Variants in UMODL1 observed in about 807,000 individuals in gnomAD.
The protein encoded by UMODL1 is uromodulin like 1, also known as uromodulin-like 1.
UMODL1 carries 128 observed loss-of-function variants against 136.3 expected under a neutral mutation model. The ratio of observed to expected loss-of-function variants is 0.94; its 90% CI spans 0.81 to 1.09. The LOEUF (loss-of-function observed/expected upper bound fraction) is 1.09, where lower values mean the gene tolerates loss of function less well. UMODL1 is among the 50% of genes least tolerant of loss of function. The pLI, the probability that UMODL1 is intolerant of heterozygous loss-of-function variation, is 0.00. For synonymous variants in UMODL1, 721 were observed against 720.0 expected, an observed-to-expected ratio of 1.00 and a Z score of -0.02; for missense variants, 1,766 against 1,725.6, an observed-to-expected ratio of 1.02 and a Z score of -0.41.
At chr21:42,105,898 A>G (rs920327165) in intron 9 of UMODL1, among the ~76,000 whole-genome samples, 1 of 152,184 alleles carries the variant, frequency 6.6e-6, no homozygotes, top group African/African-American at 2.4e-5. Context: ...GACTGGATGA[A>G]TCCATTGTAA....
intron 21 of UMODL1, 142 bp from the exon 22 acceptor site, chr21:42,137,297 C>T: frequency 2.8e-6 from 3 of 1,060,022 alleles, no homozygotes; most frequent in Non-Finnish European, 2.8e-6. Flanking sequence ...GCTTTGGTAA[C>T]CCACAGGCAC....
In UMODL1 at chr21:42,138,176, G is replaced by T. The variant is rs796826254; in HGVS notation, c.*21+535G>T. On this transcript the variant is annotated intron_variant, in intron 22 of 22. Coordinates refer to ENST00000408910, the MANE Select transcript of UMODL1 (RefSeq NM_001004416.3). ...TGCCTCGGTTTCATCATTTGTAAAA[G>T]AAACCATGGTAACATTTCCGGCCAC... Among the ~76,000 whole-genome samples, 4 of 152,292 alleles carry T rather than the reference G, an allele frequency of 2.6e-5. 1 individual carries two copies. Among genetic ancestry groups the T allele is most frequent in the African/African-American group, 9.6e-5 (4 of 41,554 alleles).
rs745968951 is a variant in UMODL1 at position 42,111,132 on chromosome 21, C to G, written c.1899+11C>G. On this transcript the variant is annotated intron_variant, in intron 11 of 22. Coordinates refer to ENST00000408910, the MANE Select transcript of UMODL1 (RefSeq NM_001004416.3). ...GGCGTGGAGCAGGAGGTGCCCAGCA[C>G]TGCCCCGGGTCTGGGGATGGACCAG... 2 of 1,602,066 alleles carry G rather than the reference C, an allele frequency of 1.2e-6. No homozygotes were observed. The highest frequency in any genetic ancestry group is 1.7e-6 in the Non-Finnish European group (2 of 1,174,920).
chr21:42,109,133 C>T, intron 9 of UMODL1, among the ~76,000 whole-genome samples: 1 of 151,906 alleles, frequency 6.6e-6, no homozygotes, highest in Non-Finnish European at 1.5e-5. Flanking sequence ...GACCCCCACC[C>T]CCCATGCGGA....
intron 2 of UMODL1, among the ~76,000 whole-genome samples, chr21:42,077,046 TG>T: frequency 6.9e-6 from 1 of 144,872 alleles, no homozygotes; most frequent in South Asian, 2.1e-4. Flanking sequence ...TGTGTGTGTG[TG>T]TGTGTGTGTG....
Position 42,121,265 on chromosome 21 carries a change from T to C in UMODL1, c.2827+41T>C, listed in dbSNP as rs776319110. On this transcript the variant is annotated intron_variant, in intron 16 of 22. Transcript: ENST00000408910. ...TTTCTTCTTCTGGAATACTGTATCATAATCGGTTTTTTTTAAGGACATTCA... is the reference window on the plus strand; with the variant it reads ...TTTCTTCTTCTGGAATACTGTATCACAATCGGTTTTTTTTAAGGACATTCA... The C allele has an allele frequency of 1.8e-5, 29 of 1,573,360 alleles. No homozygotes were observed. In the African/African-American group the frequency reaches 3.7e-4, roughly 20 times the overall value.
intron 20 of UMODL1, 106 bp from the exon 21 acceptor site, chr21:42,129,607 C>T: frequency 9.6e-7 from 1 of 1,036,310 alleles, no homozygotes; most frequent in Non-Finnish European, 1.3e-6. Flanking sequence ...CAACTTCTAG[C>T]AGGATAAAAT....
At chr21:42,112,563 C>T (rs1569164275) in intron 12 of UMODL1, among the ~76,000 whole-genome samples, 1 of 151,780 alleles carries the variant, frequency 6.6e-6, no homozygotes, top group Non-Finnish European at 1.5e-5. Context: ...TGTTCTGTAC[C>T]CCCAGCTGTT....
At chr21:42,071,253 C>T (rs577810640), upstream of UMODL1, 426 of 1,425,972 alleles carry the variant, frequency 3.0e-4, 2 homozygotes, top group Admixed American at 9.8e-4. Flanking sequence ...TGAGCCCTGG[C>T]GTAGCAGAGA....
Position 42,142,191 on chromosome 21 carries a change from G to A in UMODL1, c.*117G>A, listed in dbSNP as rs192590878. 183 of 152,274 alleles carry A rather than the reference G, an allele frequency of 1.2e-3. No homozygotes were observed. The highest frequency in any genetic ancestry group is 4.1e-3 in the African/African-American group (171 of 41,534). 9.4% of individuals were successfully genotyped at this position (152,274 alleles called of 1,614,324 possible). A position where few individuals can be genotyped will look rare whatever the true frequency, so the allele number is the denominator to read the frequency against. On this transcript the variant is annotated 3_prime_UTR_variant, in exon 23 of 23. Transcript: ENST00000408910. ...CTCTCTGCACCTCCACCCATCCCTC[G>A]GTTCTTAACTCTTCAAGCCTTAACG... is the stretch of plus-strand genomic sequence containing the variant.
rs2067012999 is a variant in UMODL1 at position 42,123,757 on chromosome 21, G to C, written c.3147+607G>C. 6.6e-6 allele frequency among the ~76,000 whole-genome samples: 1 copy of C among 152,150 alleles called. No individual in the cohort carries two copies. Among genetic ancestry groups the C allele is most frequent in the African/African-American group, 2.4e-5 (1 of 41,424 alleles). Reference sequence around the variant, plus strand: ...GCATGTGTGCATGTGTGCGTGAGTTGAGCATGTGTGGATGCGTTTGTCCAT... The same window carrying C: ...GCATGTGTGCATGTGTGCGTGAGTTCAGCATGTGTGGATGCGTTTGTCCAT... On this transcript the variant is annotated intron_variant, in intron 17 of 22. Coordinates refer to ENST00000408910, the MANE Select transcript of UMODL1 (RefSeq NM_001004416.3). The surrounding 1 kb of genome is among the most constrained non-coding windows in gnomAD (Gnocchi z 4.4).
intron 9 of UMODL1, among the ~76,000 whole-genome samples, chr21:42,108,023 A>G (rs890304193): frequency 2.5e-4 from 38 of 152,094 alleles, no homozygotes; most frequent in Admixed American, 3.3e-4. Context: ...CTGCTCCCAC[A>G]CCTGCCTCTT....
intron 2 of UMODL1, 115 bp downstream of exon 2, chr21:42,076,362 G>A (rs1160814769): frequency 1.5e-5 from 23 of 1,507,970 alleles, no homozygotes; most frequent in Non-Finnish European, 2.0e-5. Flanking sequence ...CCAGGAGCAC[G>A]GCTCCCAGCC....
At position 42,106,461 on chromosome 21, in the gene UMODL1, C is replaced by T. The variant is rs545991113; in HGVS notation, c.1519+2374C>T. Among the ~76,000 whole-genome samples, 9 of 152,350 alleles carry T rather than the reference C, an allele frequency of 5.9e-5. No individual in the cohort carries two copies. The South Asian group carries it at 6.2e-4, about 11-fold the overall frequency. ...TCAGTCATTCAGGAGCACTCCCTGC[C>T]GGTGCGTCCACATGTCCCAACCCCG... On this transcript the variant is annotated intron_variant, in intron 9 of 22. Transcript: ENST00000408910.
At chr21:42,132,730 C>CT (rs76230512) in intron 21 of UMODL1, among the ~76,000 whole-genome samples, 17,721 of 152,242 alleles carry the variant, frequency 0.12, 1,098 homozygotes, top group East Asian at 0.23. Context: ...CTAATGGTAA[C>CT]TAAGAATTCT....
intron 5 of UMODL1, 34 bp from the exon 6 acceptor site, chr21:42,090,264 T>C: frequency 6.2e-7 from 1 of 1,612,240 alleles, no homozygotes; most frequent in Non-Finnish European, 8.5e-7. Context: ...TAGCTGCGAC[T>C]GCTGAGTGTG....
Position 42,129,749 on chromosome 21 carries a change from A to G in UMODL1, c.3727A>G (p.Thr1243Ala). The G allele has an allele frequency of 1.3e-6, 2 of 1,593,186 alleles. No individual in the cohort carries two copies. Among genetic ancestry groups the G allele is most frequent in the Non-Finnish European group, 1.7e-6 (2 of 1,172,240 alleles). The change falls in exon 21 of 23, where the codon ACC becomes GCC. Residue 1243 changes from threonine (T) to alanine (A), a missense_variant. Thr to Ala is a moderately conservative substitution (Grantham distance 58, BLOSUM62 0). Coordinates refer to ENST00000408910, the MANE Select transcript of UMODL1 (RefSeq NM_001004416.3). Reference sequence around the variant, plus strand: ...CTTTCGGTTGCTGCAAAATAGTGAAACCTCTGCCACACACCAGATGTCCTG... The same window carrying G: ...CTTTCGGTTGCTGCAAAATAGTGAAGCCTCTGCCACACACCAGATGTCCTG... The part of the protein sequence containing the change: ...NNFRLLQNSE[T>A]SATHQMSWGP...
At chr21:42,141,931 G>A (rs966810015) in intron 22 of UMODL1, among the ~76,000 whole-genome samples, 165 bp from the exon 23 acceptor site, 1 of 152,234 alleles carries the variant, frequency 6.6e-6, no homozygotes, top group African/African-American at 2.4e-5. Context: ...CACTCTGGGA[G>A]TGGCTGCCTT....
At chr21:42,109,075 C>T (rs34632081) in intron 9 of UMODL1, among the ~76,000 whole-genome samples, 1 of 95,388 alleles carries the variant, frequency 1.0e-5, no homozygotes, top group Non-Finnish European at 2.0e-5. Flanking sequence ...TGTTATACTC[C>T]GCTGGACCCC....
Sources: allele counts gnomAD v4.1 joint callset (sites outside exome capture counted in the v4.1 genomes callset), GRCh38; gene constraint gnomAD v4.1.1; non-coding constraint Gnocchi (gnomAD v3.1); transcripts MANE v1.5; gene names NCBI Gene and HGNC (gene_info 2026-07-23, HGNC 2026-07-21).